KATNAL2: variants seen among roughly 807,000 people sequenced by gnomAD.
KATNAL2 encodes the protein katanin p60 ATPase-containing subunit A-like 2.
Under a neutral mutation model 76.3 loss-of-function variants are expected in KATNAL2, and 52 were observed. The observed-to-expected ratio is 0.68, with a 90% CI of 0.55 to 0.86. The LOEUF is 0.86. Among genes scored for constraint, KATNAL2 ranks in the 40% least tolerant of loss-of-function variants. KATNAL2 has a pLI of 0.00. For missense variants in KATNAL2, 660 were observed against 668.9 expected (o/e 0.99, Z 0.15); for synonymous variants, 243 against 244.2 (o/e 1.00, Z 0.05).
intron 1 of KATNAL2, among the ~76,000 whole-genome samples, chr18:46,927,359 G>A (rs1156746372): frequency 6.6e-6 from 1 of 152,106 alleles, no homozygotes; most frequent in Non-Finnish European, 1.5e-5. Context: ...AGTTTGGCTG[G>A]ATATGAGATT....
rs79676294 is a variant in KATNAL2, at chr18:46,929,662, G to C, written c.-510+11736G>C. ...CAGGTTTTGATTATTGTAAATAAAT[G>C]CTATCAACTTTCTTATACGGGGCAT... On this transcript the variant is annotated intron_variant, in intron 1 of 17. Transcript: ENST00000683218. Among the ~76,000 whole-genome samples, 1,013 of 152,218 alleles carry C rather than the reference G, an allele frequency of 6.7e-3. 32 individuals are homozygous for C. The East Asian group carries it at 0.12, about 17-fold the overall frequency.
chr18:47,085,171 T>C (rs1019292683), intron 15 of KATNAL2, among the ~76,000 whole-genome samples: 1 of 152,226 alleles, frequency 6.6e-6, no homozygotes, highest in African/African-American at 2.4e-5. Context: ...GGACCCTTCC[T>C]TGGCTCATGG....
Position 47,069,225 on chromosome 18 carries a change from A to G in KATNAL2, c.831A>G (p.Pro277=). 6.2e-7 allele frequency: 1 copy of G among 1,610,560 alleles called. No individual in the cohort carries two copies. The highest frequency in any genetic ancestry group is 8.5e-7 in the Non-Finnish European group (1 of 1,177,838). ...KEAVVYPIRY[P]QLFTGILSPW... ...CTTGTTCCTTGTTTCCTTAGTATCCACAGCTATTTACAGGAATTCTTTCTC... is the reference window on the plus strand; with the variant it reads ...CTTGTTCCTTGTTTCCTTAGTATCCGCAGCTATTTACAGGAATTCTTTCTC... Residue 277 remains proline, a synonymous_variant, in exon 12 of 18, where the codon CCA becomes CCG. Coordinates refer to ENST00000683218, the MANE Select transcript of KATNAL2 (RefSeq NM_001387690.1).
chr18:47,034,852 C>G lies in KATNAL2; in HGVS notation c.52-11605C>G, dbSNP rs1197824744. On this transcript the variant is annotated intron_variant, in intron 3 of 17. Transcript: ENST00000683218. The stretch of plus-strand genomic sequence containing the variant: ...AGACCTCGGGTGAGGTCTCTGTTGC[C>G]CCGGAGGTGTTCTGCGTGCTGTCCG... 3.1e-6 allele frequency: 5 copies of G among 1,612,122 alleles called. No homozygotes were observed. In the East Asian group the frequency reaches 6.7e-5, roughly 22 times the overall value.
intron 15 of KATNAL2, among the ~76,000 whole-genome samples, chr18:47,078,218 A>T (rs1051863745): frequency 2.0e-5 from 3 of 152,184 alleles, no homozygotes; most frequent in Non-Finnish European, 4.4e-5. Flanking sequence ...CCTAGCTGGG[A>T]CTTGTGACCT....
At chr18:46,960,873 C>A (rs2059918323) in intron 3 of KATNAL2, among the ~76,000 whole-genome samples, 1 of 152,172 alleles carries the variant, frequency 6.6e-6, no homozygotes, top group East Asian at 1.9e-4. Context: ...ACCCCTCAGA[C>A]ACCGGGTTAA....
At chr18:47,057,338 T>A (rs1327949513) in intron 6 of KATNAL2, among the ~76,000 whole-genome samples, 3 of 152,232 alleles carry the variant, frequency 2.0e-5, no homozygotes. Context: ...CCTGTCTCTC[T>A]CTGGATGGCA....
chr18:47,063,401 G>C (rs1157290541), intron 10 of KATNAL2, 40 bp downstream of exon 10: 1 of 1,523,880 alleles, frequency 6.6e-7, no homozygotes, highest in Non-Finnish European at 9.1e-7. Flanking sequence ...ATGGAGGCAG[G>C]CTGGGGCTTC....
intron 3 of KATNAL2, among the ~76,000 whole-genome samples, chr18:47,036,399 A>T (rs2060775388): frequency 6.6e-6 from 1 of 152,188 alleles, no homozygotes; most frequent in African/African-American, 2.4e-5. Context: ...TCTTTTAGTC[A>T]TATCTTTTGA....
chr18:46,922,574 G>C (rs868086832), intron 1 of KATNAL2, among the ~76,000 whole-genome samples: 56 of 151,966 alleles, frequency 3.7e-4, no homozygotes, highest in African/African-American at 1.3e-3. Context: ...TGGGTGGATC[G>C]CCTGAGGTCG....
At chr18:46,931,003 TGAA>T (rs1241072556) in intron 1 of KATNAL2, among the ~76,000 whole-genome samples, 9 of 151,660 alleles carry the variant, frequency 5.9e-5, no homozygotes, top group African/African-American at 1.7e-4. Context: ...CTCGGGAGGC[TGAA>T]GAAGAATTGC....
chr18:47,051,115 A>G (rs1359740157), intron 4 of KATNAL2, among the ~76,000 whole-genome samples: 1 of 152,128 alleles, frequency 6.6e-6, no homozygotes, highest in Non-Finnish European at 1.5e-5. Context: ...CACTACTCCT[A>G]AAGTCCCGTC....
chr18:47,084,842 C>CT (rs750959533), intron 15 of KATNAL2, among the ~76,000 whole-genome samples: 1 of 43,718 alleles, frequency 2.3e-5, no homozygotes, highest in Non-Finnish European at 5.1e-5. Flanking sequence ...GAGCAAGACT[C>CT]TGTCTAAAAA....
chr18:47,035,003 G>C, intron 3 of KATNAL2: 1 of 1,611,582 alleles, frequency 6.2e-7, no homozygotes, highest in South Asian at 1.1e-5. Flanking sequence ...TCAGGGTCCT[G>C]TGGGCCAGGC....
At chr18:47,075,416 C>T (rs778632689) in intron 14 of KATNAL2, 48 bp downstream of exon 14, 64 of 1,321,216 alleles carry the variant, frequency 4.8e-5, no homozygotes, top group Non-Finnish European at 6.1e-5. Context: ...TTTGTCATGG[C>T]TTCTCCCCTC....
intron 15 of KATNAL2, among the ~76,000 whole-genome samples, chr18:47,092,064 C>CT (rs2063023786): frequency 6.6e-6 from 1 of 150,930 alleles, no homozygotes; most frequent in Admixed American, 6.6e-5. Flanking sequence ...ATATTACTGC[C>CT]TTTAATTACA....
intron 1 of KATNAL2, among the ~76,000 whole-genome samples, chr18:46,918,825 T>G (rs899896387): frequency 6.6e-6 from 1 of 152,144 alleles, no homozygotes; most frequent in East Asian, 1.9e-4. Context: ...GGTTTCACTT[T>G]AAGTGTCACT....
intron 15 of KATNAL2, among the ~76,000 whole-genome samples, chr18:47,094,055 T>C (rs1474592207): frequency 6.6e-6 from 1 of 152,224 alleles, no homozygotes; most frequent in Non-Finnish European, 1.5e-5. Flanking sequence ...GGGAAGTGTT[T>C]AGGTCACCAG....
chr18:46,947,635 C>G (rs941219970), intron 3 of KATNAL2, among the ~76,000 whole-genome samples: 4 of 152,148 alleles, frequency 2.6e-5, no homozygotes, highest in African/African-American at 9.7e-5. Context: ...ACCTGGATCT[C>G]ATTCCTAGAG....
Sources: gnomAD v4.1 joint callset for allele counts (sites outside exome capture counted in the v4.1 genomes callset) on GRCh38, gnomAD v4.1.1 for gene constraint, MANE v1.5 for transcripts, NCBI Gene and HGNC (gene_info 2026-07-23, HGNC 2026-07-21) for gene names.